The following ATP6V1D variants were observed in gnomAD, a reference collection of about 807,000 sequenced individuals.
ATP6V1D encodes V-type proton ATPase subunit D.
Under a neutral mutation model 39.4 loss-of-function variants are expected in ATP6V1D, and 20 were observed. The ratio of observed to expected loss-of-function variants is 0.51; its 90% CI spans 0.36 to 0.74. The LOEUF (loss-of-function observed/expected upper bound fraction) is 0.74, where lower values mean the gene tolerates loss of function less well. ATP6V1D is among the 30% of genes least tolerant of loss of function. The pLI, the probability that ATP6V1D is intolerant of heterozygous loss-of-function variation, is 0.00. For synonymous variants in ATP6V1D, 100 were observed against 100.5 expected, an observed-to-expected ratio of 0.99 and a Z score of 0.03; for missense variants, 228 against 291.6, an observed-to-expected ratio of 0.78 and a Z score of 1.59.
chr14:67,351,436 T>C (rs776946289), intron 2 of ATP6V1D, among the ~76,000 whole-genome samples: 3 of 152,228 alleles, frequency 2.0e-5, no homozygotes, highest in Admixed American at 6.5e-5. Context: ...TTTCTAAGCC[T>C]TATATGTAAC....
intron 5 of ATP6V1D, among the ~76,000 whole-genome samples, chr14:67,346,838 G>A (rs1197339939): frequency 1.3e-5 from 2 of 152,140 alleles, no homozygotes; most frequent in African/African-American, 4.8e-5. Context: ...TGTAGGATAT[G>A]CAGAAAAACA....
chr14:67,347,275 G>T, intron 5 of ATP6V1D, 134 bp downstream of exon 5: 1 of 714,044 alleles, frequency 1.4e-6, no homozygotes, highest in South Asian at 1.9e-5. Flanking sequence ...CTATTGTCCT[G>T]ACTATATCAA....
At chr14:67,356,155 C>G (rs2085683661) in intron 1 of ATP6V1D, among the ~76,000 whole-genome samples, 1 of 152,066 alleles carries the variant, frequency 6.6e-6, no homozygotes, top group African/African-American at 2.4e-5. Flanking sequence ...TGCAGTGGCT[C>G]ACACCTGTAA....
At chr14:67,350,354 G>C (rs1369337786) in intron 3 of ATP6V1D, among the ~76,000 whole-genome samples, 2 of 152,006 alleles carry the variant, frequency 1.3e-5, no homozygotes, top group Non-Finnish European at 2.9e-5. Flanking sequence ...TTGAAAATAA[G>C]GAAAAATGTT....
chr14:67,340,799 G>T (rs373967523), intron 7 of ATP6V1D, among the ~76,000 whole-genome samples: 1 of 152,100 alleles, frequency 6.6e-6, no homozygotes, highest in Non-Finnish European at 1.5e-5. Context: ...TCAGCCTGCC[G>T]AGTGCCTGCG....
intron 1 of ATP6V1D, chr14:67,353,610 C>A (rs2085668956): frequency 6.6e-6 from 1 of 152,444 alleles, no homozygotes. Context: ...ACCCCAGCCT[C>A]CCAAGTAGCT....
chr14:67,340,282 C>T, intron 8 of ATP6V1D, 158 bp downstream of exon 8: 2 of 619,204 alleles, frequency 3.2e-6, no homozygotes, highest in South Asian at 2.8e-5. Context: ...GATTTGTTTC[C>T]ACAACTTCTG....
intron 4 of ATP6V1D, chr14:67,348,798 G>T: frequency 2.5e-6 from 1 of 396,260 alleles, no homozygotes; most frequent in Non-Finnish European, 4.6e-6. Context: ...GGGATTACAG[G>T]CATGAGCCAC....
At chr14:67,342,217 ATAAAAT>A (rs1566596987) in intron 7 of ATP6V1D, among the ~76,000 whole-genome samples, 85 of 116,112 alleles carry the variant, frequency 7.3e-4, no homozygotes, top group African/African-American at 2.0e-3. Context: ...AATAAATAAA[ATAAAAT>A]AAAAAAAAAC....
intron 4 of ATP6V1D, 117 bp from the exon 5 acceptor site, chr14:67,347,570 C>G: frequency 1.2e-6 from 1 of 806,686 alleles, no homozygotes; most frequent in South Asian, 1.7e-5. Flanking sequence ...GGCGTGATCT[C>G]GCCTCACCGC....
chr14:67,350,062 G>A (rs890190193), intron 3 of ATP6V1D, among the ~76,000 whole-genome samples: 1 of 152,204 alleles, frequency 6.6e-6, no homozygotes, highest in Admixed American at 6.5e-5. Flanking sequence ...GTTATTTGGA[G>A]AATTACATAA....
At chr14:67,351,009 C>T (rs1409210554) in intron 2 of ATP6V1D, among the ~76,000 whole-genome samples, 2 of 152,160 alleles carry the variant, frequency 1.3e-5, no homozygotes, top group African/African-American at 4.8e-5. Context: ...AAATTCACTG[C>T]AGTTGCAGTC....
intron 1 of ATP6V1D, among the ~76,000 whole-genome samples, chr14:67,354,649 T>C (rs2085674162): frequency 6.6e-6 from 1 of 152,214 alleles, no homozygotes; most frequent in Non-Finnish European, 1.5e-5. Context: ...GCTGTCTATA[T>C]AACAGTCTTA....
At chr14:67,341,067 C>G (rs1476677836) in intron 7 of ATP6V1D, among the ~76,000 whole-genome samples, 1 of 152,316 alleles carries the variant, frequency 6.6e-6, no homozygotes, top group Non-Finnish European at 1.5e-5. Flanking sequence ...CCCAAAGTGC[C>G]GAGATTGCAG....
Position 67,338,858 on chromosome 14 carries a change from T to C in ATP6V1D, c.603-96A>G, listed in dbSNP as rs1046624973. 7 of 1,082,036 alleles carry C rather than the reference T, an allele frequency of 6.5e-6. No individual in the cohort carries two copies. The African/African-American group carries it at 9.6e-5, about 15-fold the overall frequency. 67.0% of individuals were successfully genotyped at this position (1,082,036 alleles called of 1,614,324 possible). ...TTTTGTAACAAGGATAATAAACACA[T>C]ACCTAGAAAAAAACCTGGTACTTTT... On this transcript the variant is annotated intron_variant, in intron 8 of 8. Coordinates refer to ENST00000216442, the MANE Select transcript of ATP6V1D (RefSeq NM_015994.4).
At chr14:67,352,702 C>CG (rs1172944537) in intron 2 of ATP6V1D, 4 of 423,114 alleles carry the variant, frequency 9.5e-6, no homozygotes, top group Admixed American at 4.0e-5. Flanking sequence ...GAGAGGCAGG[C>CG]GGGGGGCCAA....
intron 4 of ATP6V1D, among the ~76,000 whole-genome samples, chr14:67,348,218 G>A (rs2085633537): frequency 6.6e-6 from 1 of 152,086 alleles, no homozygotes; most frequent in Non-Finnish European, 1.5e-5. Flanking sequence ...GGGATTACAG[G>A]CATGCGCTAC....
intron 1 of ATP6V1D, among the ~76,000 whole-genome samples, chr14:67,359,366 G>T (rs1595640555): frequency 6.6e-6 from 1 of 152,172 alleles, no homozygotes. Flanking sequence ...CTCAATAAGG[G>T]TATGTGGAAT....
chr14:67,343,687 AGACCTT>A (rs1254050370), intron 6 of ATP6V1D, among the ~76,000 whole-genome samples: 6 of 152,242 alleles, frequency 3.9e-5, no homozygotes, highest in African/African-American at 1.4e-4. Context: ...CAACACAATG[AGACCTT>A]GCCTCTACAA....
Sources: gnomAD v4.1 joint callset for allele counts (sites outside exome capture counted in the v4.1 genomes callset) on GRCh38, gnomAD v4.1.1 for gene constraint, MANE v1.5 for transcripts, NCBI Gene and HGNC (gene_info 2026-07-23, HGNC 2026-07-21) for gene names.